The following CDH10 variants were observed in gnomAD, a reference collection of about 807,000 sequenced individuals.
The protein encoded by CDH10 is cadherin 10.
CDH10 carries 30 observed loss-of-function variants against 73.1 expected under a neutral mutation model. The ratio of observed to expected loss-of-function variants is 0.41; its 90% CI spans 0.31 to 0.56. The LOEUF is 0.56. Among genes scored for constraint, CDH10 ranks in the 20% least tolerant of loss-of-function variants. CDH10 has a pLI of 0.27. For synonymous variants in CDH10, 345 were observed against 348.2 expected, an observed-to-expected ratio of 0.99 and a Z score of 0.10; for missense variants, 815 against 973.7, an observed-to-expected ratio of 0.84 and a Z score of 2.17.
At chr5:24,558,946 C>T (rs1189435333) in intron 2 of CDH10, among the ~76,000 whole-genome samples, 3 of 151,694 alleles carry the variant, frequency 2.0e-5, no homozygotes, top group Non-Finnish European at 4.4e-5. Context: ...ATTCAGCATT[C>T]CCCTTTCATT....
intron 2 of CDH10, among the ~76,000 whole-genome samples, chr5:24,556,410 T>G (rs543771015): frequency 6.6e-6 from 1 of 152,050 alleles, no homozygotes; most frequent in Non-Finnish European, 1.5e-5. Context: ...TTAAGAATAA[T>G]TGTGTTTGAT....
At chr5:24,570,858 T>C (rs1394999812) in intron 2 of CDH10, among the ~76,000 whole-genome samples, 2 of 150,776 alleles carry the variant, frequency 1.3e-5, no homozygotes, top group East Asian at 3.9e-4. Context: ...TTTGAAATAT[T>C]TTTTGTTTTT....
At chr5:24,538,574 C>A (rs898143298) in intron 2 of CDH10, among the ~76,000 whole-genome samples, 1 of 152,052 alleles carries the variant, frequency 6.6e-6, no homozygotes, top group Non-Finnish European at 1.5e-5. Flanking sequence ...GTGTCATGAA[C>A]AAATTCCATC....
At chr5:24,569,268 C>T (rs80243294) in intron 2 of CDH10, among the ~76,000 whole-genome samples, 2,204 of 151,978 alleles carry the variant, frequency 0.015, 64 homozygotes, top group African/African-American at 0.051. Flanking sequence ...GGGGAGTTAT[C>T]GTTTAATTTG....
chr5:24,487,851 C>G lies in CDH10; in HGVS notation c.2179G>C (p.Ala727Pro), dbSNP rs763581492. The G allele has an allele frequency of 6.2e-7, 1 of 1,613,662 alleles. No individual in the cohort carries two copies. The highest frequency in any genetic ancestry group is 8.5e-7 in the Non-Finnish European group (1 of 1,179,832). Residue 727 changes from alanine (A) to proline (P), a missense_variant, in exon 12 of 12, where the codon GCA (alanine) becomes CCA (proline). Ala to Pro is a conservative substitution (Grantham distance 27). Coordinates refer to ENST00000264463, the MANE Select transcript of CDH10 (RefSeq NM_006727.5). ...RLKEHDLDPT[A>P]PPYDSLATYA... is the part of the protein sequence containing the mutation. Reference sequence around the variant, plus strand: ...GTTGCAAGTGAGTCGTAGGGGGGTGCGGTGGGGTCAAGATCATGCTCTTTT... The same window carrying G: ...GTTGCAAGTGAGTCGTAGGGGGGTGGGGTGGGGTCAAGATCATGCTCTTTT...
intron 2 of CDH10, among the ~76,000 whole-genome samples, chr5:24,587,030 G>C (rs1196411162): frequency 3.3e-5 from 5 of 151,056 alleles, no homozygotes; most frequent in Non-Finnish European, 7.4e-5. Flanking sequence ...AATTTTAGTA[G>C]AGACGGGGTT....
At chr5:24,612,569 T>C (rs1470840210) in intron 1 of CDH10, 2 of 152,180 alleles carry the variant, frequency 1.3e-5, no homozygotes, top group Non-Finnish European at 2.9e-5. Context: ...CCTCAATAAT[T>C]GATCAATGCG....
intron 6 of CDH10, 24 bp from the exon 7 acceptor site, chr5:24,509,843 A>G: frequency 1.3e-6 from 2 of 1,572,770 alleles, no homozygotes; most frequent in Non-Finnish European, 1.7e-6. Context: ...TAAATCATCA[A>G]ATTAGAGTGA....
chr5:24,498,544 G>A, intron 8 of CDH10, 25 bp from the exon 9 acceptor site: 1 of 1,564,656 alleles, frequency 6.4e-7, no homozygotes, highest in Non-Finnish European at 8.8e-7. Flanking sequence ...GAAAAATATT[G>A]TTTAGGAAGA....
At chr5:24,499,021 G>C (rs374051515) in intron 8 of CDH10, among the ~76,000 whole-genome samples, 1 of 152,126 alleles carries the variant, frequency 6.6e-6, no homozygotes. Context: ...GTTGCCCGAA[G>C]AAATAGTTTT....
intron 2 of CDH10, among the ~76,000 whole-genome samples, chr5:24,544,703 T>C (rs1465531112): frequency 6.6e-6 from 1 of 152,176 alleles, no homozygotes; most frequent in Non-Finnish European, 1.5e-5. Context: ...GTCCTGGAGA[T>C]GTAGGAGCTC....
intron 2 of CDH10, among the ~76,000 whole-genome samples, chr5:24,547,036 A>C (rs1439458877): frequency 6.6e-6 from 1 of 152,198 alleles, no homozygotes; most frequent in Non-Finnish European, 1.5e-5. Flanking sequence ...TTCAAACTGA[A>C]AAAGATTGGG....
chr5:24,518,548 A>C (rs1743194173), intron 5 of CDH10, among the ~76,000 whole-genome samples: 1 of 152,118 alleles, frequency 6.6e-6, no homozygotes, highest in Non-Finnish European at 1.5e-5. Context: ...TAAATCTTTA[A>C]TATTTTAATG....
intron 5 of CDH10, among the ~76,000 whole-genome samples, chr5:24,529,388 G>T (rs1299044907): frequency 6.6e-6 from 1 of 151,924 alleles, no homozygotes; most frequent in Non-Finnish European, 1.5e-5. Context: ...CAGGAAGTAA[G>T]ATCTTCCTTC....
chr5:24,524,379 C>A (rs1047247363), intron 5 of CDH10, among the ~76,000 whole-genome samples: 2 of 152,014 alleles, frequency 1.3e-5, no homozygotes, highest in Non-Finnish European at 1.5e-5. Flanking sequence ...ACATTTCGGG[C>A]AAGCAGTAGG....
chr5:24,634,985 T>A (rs569628084), intron 1 of CDH10, among the ~76,000 whole-genome samples: 20 of 134,622 alleles, frequency 1.5e-4, no homozygotes, highest in African/African-American at 4.8e-4. Context: ...TAAATTAACA[T>A]ATAAATAGAG....
chr5:24,515,650 CTT>C (rs1482951250), intron 5 of CDH10, among the ~76,000 whole-genome samples: 2 of 152,180 alleles, frequency 1.3e-5, no homozygotes, highest in Non-Finnish European at 2.9e-5. Flanking sequence ...GGAGATCTCA[CTT>C]TGCATTTGAC....
At chr5:24,567,432 A>G (rs1745204994) in intron 2 of CDH10, among the ~76,000 whole-genome samples, 1 of 151,928 alleles carries the variant, frequency 6.6e-6, no homozygotes, top group African/African-American at 2.4e-5. Context: ...ACTATGATAT[A>G]CTAATATTGT....
At chr5:24,567,821 A>C (rs1745218362) in intron 2 of CDH10, among the ~76,000 whole-genome samples, 1 of 152,150 alleles carries the variant, frequency 6.6e-6, no homozygotes, top group Non-Finnish European at 1.5e-5. Flanking sequence ...TCTCATAAGG[A>C]CATTTAGAGA....
Sources: allele counts gnomAD v4.1 joint callset (sites outside exome capture counted in the v4.1 genomes callset), GRCh38; gene constraint gnomAD v4.1.1; transcripts MANE v1.5; gene names NCBI Gene and HGNC (gene_info 2026-07-23, HGNC 2026-07-21).